The following PLCE1 variants were observed in gnomAD, a reference collection of about 807,000 sequenced individuals.
PLCE1 encodes the protein 1-phosphatidylinositol 4,5-bisphosphate phosphodiesterase epsilon-1.
In PLCE1, 119 loss-of-function variants were observed where a neutral mutation model predicts 242.8. The observed-to-expected ratio is 0.49, with a 90% CI of 0.42 to 0.57. The LOEUF (loss-of-function observed/expected upper bound fraction) is 0.57, where lower values mean the gene tolerates loss of function less well. Ranked by LOEUF, PLCE1 falls within the 20% of genes least tolerant of loss-of-function variation. The probability of loss-of-function intolerance (pLI) is 0.00; values close to 1 mark genes in which losing one functional copy is unlikely to be tolerated. For synonymous variants in PLCE1, 945 were observed against 1,017.4 expected (o/e 0.93, Z 1.35); for missense variants, 2,441 against 2,788.8 (o/e 0.88, Z 2.81).
rs771908926 is a variant in PLCE1, at chr10:94,234,337, G to T, written c.2214+25G>T. 33 of 1,611,884 alleles carry T rather than the reference G, an allele frequency of 2.0e-5. No homozygotes were observed. The South Asian group carries it at 2.1e-4, about 10-fold the overall frequency. On this transcript the variant is annotated intron_variant, in intron 6 of 32. Transcript: ENST00000371380. ...GGTAAGGCCTTTCAGAATCATCGTG[G>T]CCTGAAGAGCCACTGTTGCTGGCTG...
In PLCE1 at chr10:94,255,878, T is replaced by TCACACACACA. The variant is rs1206355849; in HGVS notation, c.3554+857_3554+866dup. ...TAAAACAGGAACTCTTTACTTTATC[T>TCACACACACA]CACACACACACACACACACACACAC... On this transcript the variant is annotated intron_variant, in intron 11 of 32. Transcript: ENST00000371380. 3.7e-4 allele frequency among the ~76,000 whole-genome samples: 25 copies of TCACACACACA among 66,744 alleles called. 1 individual carries two copies. The highest frequency in any genetic ancestry group is 2.4e-3 in the East Asian group (4 of 1,666). The allele number at this position is 66,744 out of a possible 152,430, so 43.8% of individuals were successfully genotyped here.
chr10:94,124,491 C>T (rs1347579317), intron 2 of PLCE1, among the ~76,000 whole-genome samples: 3 of 151,964 alleles, frequency 2.0e-5, no homozygotes, highest in Non-Finnish European at 2.9e-5. Flanking sequence ...CCAGCCTCTT[C>T]GTGATAAAGA....
chr10:94,236,878 A>G (rs12262808), intron 7 of PLCE1, among the ~76,000 whole-genome samples: 13 of 152,076 alleles, frequency 8.5e-5, no homozygotes, highest in Non-Finnish European at 1.5e-4. Flanking sequence ...CTCGGCATCT[A>G]TGTATATATC....
intron 7 of PLCE1, among the ~76,000 whole-genome samples, chr10:94,242,667 G>A (rs1478791881): frequency 1.3e-5 from 2 of 152,138 alleles, no homozygotes; most frequent in Non-Finnish European, 2.9e-5. Flanking sequence ...TTCTCCTAGA[G>A]AGGCTGATTC....
intron 1 of PLCE1, among the ~76,000 whole-genome samples, chr10:94,002,365 GA>G (rs2060947768): frequency 6.6e-6 from 1 of 152,138 alleles, no homozygotes; most frequent in Non-Finnish European, 1.5e-5. Context: ...ACAACAGGTG[GA>G]GGGCGTTCCT....
At chr10:94,064,676 A>G (rs1194217849) in intron 2 of PLCE1, among the ~76,000 whole-genome samples, 1 of 152,232 alleles carries the variant, frequency 6.6e-6, no homozygotes, top group African/African-American at 2.4e-5. Flanking sequence ...AATGAGGACA[A>G]TAATCTTTAC....
chr10:94,308,144 C>T (rs1185754705), intron 26 of PLCE1, among the ~76,000 whole-genome samples: 2 of 152,214 alleles, frequency 1.3e-5, no homozygotes, highest in Non-Finnish European at 2.9e-5. Context: ...ACCATTTTTA[C>T]CAGCTGTGTA....
At chr10:93,998,811 G>C (rs932833711) in intron 1 of PLCE1, among the ~76,000 whole-genome samples, 29 of 152,124 alleles carry the variant, frequency 1.9e-4, no homozygotes, top group Non-Finnish European at 2.6e-4. Context: ...GTTACTTTAC[G>C]TGACAAAAGG....
At position 94,316,615 on chromosome 10, in the gene PLCE1, T is replaced by A; in HGVS notation, c.6201T>A (p.Phe2067Leu). 1 of 1,608,544 alleles carries A rather than the reference T, an allele frequency of 6.2e-7. No individual in the cohort carries two copies. Among genetic ancestry groups the A allele is most frequent in the Non-Finnish European group, 8.5e-7 (1 of 1,175,140 alleles). The change falls in exon 29 of 33, where the codon TTT (phenylalanine) becomes TTA (leucine). Residue 2067 changes from phenylalanine to leucine, a missense_variant. Transcript: ENST00000371380. ...TDYFLMEEKY[F>L]ISKEKNECRK... is the part of the protein sequence containing the mutation. ...ATTTTTTGATGGAAGAAAAATATTT[T>A]ATATCTAAAGAAAAGAATGAATGTA...
At chr10:94,091,122 G>C (rs2045052292) in intron 2 of PLCE1, among the ~76,000 whole-genome samples, 1 of 152,158 alleles carries the variant, frequency 6.6e-6, no homozygotes, top group African/African-American at 2.4e-5. Context: ...ATTTTGGAGA[G>C]AGGGAAAATT....
intron 3 of PLCE1, among the ~76,000 whole-genome samples, chr10:94,162,264 T>C (rs377626226): frequency 1.3e-5 from 2 of 152,188 alleles, no homozygotes; most frequent in East Asian, 1.9e-4. Flanking sequence ...TGGTAGAATT[T>C]GGCTGTGAAT....
At chr10:94,153,912 A>T (rs2047348713) in intron 3 of PLCE1, among the ~76,000 whole-genome samples, 1 of 152,246 alleles carries the variant, frequency 6.6e-6, no homozygotes, top group African/African-American at 2.4e-5. Context: ...GTATTCATGA[A>T]ATGGAAGATT....
intron 2 of PLCE1, among the ~76,000 whole-genome samples, chr10:94,068,992 G>A (rs562586216): frequency 1.3e-5 from 2 of 152,256 alleles, no homozygotes; most frequent in South Asian, 4.1e-4. Flanking sequence ...TGGCAAATAG[G>A]GAGTATTCAA....
chr10:94,032,926 C>T (rs1027904165), intron 2 of PLCE1, among the ~76,000 whole-genome samples: 4 of 151,532 alleles, frequency 2.6e-5, no homozygotes, highest in African/African-American at 9.7e-5. Flanking sequence ...CATCTGTATC[C>T]ACAGATTCAA....
rs755337510 is a variant in PLCE1 at position 94,031,900 on chromosome 10, A to T, written c.854A>T (p.Lys285Ile). Residue 285 changes from lysine (K) to isoleucine (I), a missense_variant, in exon 2 of 33, where the codon AAA (lysine) becomes ATA (isoleucine). By Grantham distance (102) the Lys-to-Ile change is moderately radical. Coordinates refer to ENST00000371380, the MANE Select transcript of PLCE1 (RefSeq NM_016341.4). ...TATTCAGGTGATAGCTTTTGTAGGA[A>T]AGACTTTACTGACAGTCAAGCTGCC... ...MVYSGDSFCR[K>I]DFTDSQAAKT... is the part of the protein sequence containing the mutation. 1.2e-5 allele frequency: 20 copies of T among 1,613,778 alleles called. No homozygotes were observed. Among genetic ancestry groups the T allele is most frequent in the Non-Finnish European group, 8.5e-7 (1 of 1,179,876 alleles).
At chr10:94,092,540 C>T (rs913242912) in intron 2 of PLCE1, among the ~76,000 whole-genome samples, 2 of 152,136 alleles carry the variant, frequency 1.3e-5, no homozygotes, top group East Asian at 1.9e-4. Context: ...CAGAGAAACC[C>T]ACCTAGAAAG....
At chr10:94,061,698 T>TA (rs796453826) in intron 2 of PLCE1, among the ~76,000 whole-genome samples, 2,806 of 142,126 alleles carry the variant, frequency 0.02, 77 homozygotes, top group African/African-American at 0.064. Context: ...AAAAAGGAAT[T>TA]AAAAAAAAAA....
At chr10:94,158,951 G>C (rs548638291) in intron 3 of PLCE1, among the ~76,000 whole-genome samples, 1 of 145,566 alleles carries the variant, frequency 6.9e-6, no homozygotes, top group South Asian at 2.2e-4. Flanking sequence ...CCGCCTCCTG[G>C]GTTCGAGCGA....
intron 2 of PLCE1, among the ~76,000 whole-genome samples, chr10:94,037,075 A>G (rs1363727125): frequency 6.6e-6 from 1 of 152,242 alleles, no homozygotes; most frequent in African/African-American, 2.4e-5. Flanking sequence ...GAAGGTCAAA[A>G]GCAGCTTCTG....
Sources: gnomAD v4.1 joint callset for allele counts (sites outside exome capture counted in the v4.1 genomes callset) on GRCh38, gnomAD v4.1.1 for gene constraint, MANE v1.5 for transcripts, NCBI Gene and HGNC (gene_info 2026-07-23, HGNC 2026-07-21) for gene names.